EP300: variants seen among roughly 807,000 people sequenced by gnomAD.
EP300 encodes EP300 lysine acetyltransferase.
A neutral mutation model predicts 264.0 loss-of-function variants in EP300; 31 were observed. That is an observed-to-expected ratio of 0.12 (90% CI 0.09 to 0.16). The LOEUF is 0.16. EP300 is among the 10% of genes least tolerant of loss of function. The probability of loss-of-function intolerance (pLI) is 1.00; values close to 1 mark genes in which losing one functional copy is unlikely to be tolerated. For missense variants in EP300, 2,766 were observed against 3,052.9 expected, an observed-to-expected ratio of 0.91 and a Z score of 2.21; for synonymous variants, 1,340 against 1,045.4, an observed-to-expected ratio of 1.28 and a Z score of -5.44.
chr22:41,097,118 C>T (rs1226522598), intron 1 of EP300, among the ~76,000 whole-genome samples: 1 of 152,084 alleles, frequency 6.6e-6, no homozygotes, highest in African/African-American at 2.4e-5. Context: ...GCATTTCTCT[C>T]CTCAGTATTA....
intron 26 of EP300, among the ~76,000 whole-genome samples, chr22:41,169,911 T>C (rs1288368808): frequency 6.6e-6 from 1 of 152,250 alleles, no homozygotes; most frequent in African/African-American, 2.4e-5. Context: ...GAATTTTAAC[T>C]GCATTTGATC....
chr22:41,122,008 A>AC (rs1183764986), intron 2 of EP300, among the ~76,000 whole-genome samples: 2 of 152,142 alleles, frequency 1.3e-5, no homozygotes, highest in Non-Finnish European at 2.9e-5. Context: ...TTTAAAAAAA[A>AC]CATAGGTAGC....
At chr22:41,159,697 C>G (rs963220419) in intron 19 of EP300, 1 of 152,058 alleles carries the variant, frequency 6.6e-6, no homozygotes, top group African/African-American at 2.4e-5. Flanking sequence ...TTTGTTGAGA[C>G]AGGGTCTCAC....
At chr22:41,093,730 A>G (rs570092565) in intron 1 of EP300, among the ~76,000 whole-genome samples, 1 of 152,190 alleles carries the variant, frequency 6.6e-6, no homozygotes, top group South Asian at 2.1e-4. Context: ...CACATCTCCC[A>G]GTTCTTTGGT....
At chr22:41,169,391 T>C (rs1239061973) in intron 25 of EP300, 112 bp from the exon 26 acceptor site, 10 of 746,768 alleles carry the variant, frequency 1.3e-5, no homozygotes, top group South Asian at 2.9e-5. Flanking sequence ...CAAATAACGA[T>C]GTGAGCAAAG....
Position 41,178,897 on chromosome 22 carries a change from A to G in EP300, c.7186A>G (p.Ser2396Gly), listed in dbSNP as rs764376096. ...HGASATDLGL[S>G]TDNSDLNSNL... ...TGCAAGCGCCACGGACCTGGGACTC[A>G]GCACCGATAACTCAGACTTGAATTC... The change falls in exon 31 of 31, where the codon AGC becomes GGC. Residue 2396 changes from serine (S) to glycine (G), a missense_variant. By Grantham distance (56) the Ser-to-Gly change is moderately conservative (BLOSUM62 0). Transcript: ENST00000263253. 2.1e-5 allele frequency: 34 copies of G among 1,614,110 alleles called. No homozygotes were observed. The highest frequency in any genetic ancestry group is 1.8e-4 in the East Asian group (8 of 44,902).
At position 41,177,839 on chromosome 22, in the gene EP300, C is replaced by A. The variant is rs546354866; in HGVS notation, c.6128C>A (p.Pro2043Gln). Residue 2043 changes from proline to glutamine, a missense_variant, in exon 31 of 31, where the codon CCA (proline) becomes CAA (glutamine). Pro to Gln is a moderately conservative substitution (Grantham distance 76). Coordinates refer to ENST00000263253, the MANE Select transcript of EP300 (RefSeq NM_001429.4). ...LGQVGISPLKPGTVSQQALQN... is the reference protein window; with the variant it reads ...LGQVGISPLKQGTVSQQALQN... ...CAGGTAGGTATCAGCCCACTCAAAC[C>A]AGGCACTGTGTCTCAACAAGCCTTA... 36 of 1,614,144 alleles carry A rather than the reference C, an allele frequency of 2.2e-5. No individual in the cohort carries two copies. In the South Asian group the frequency reaches 3.5e-4, roughly 16 times the overall value.
At chr22:41,122,645 A>C (rs753055935) in intron 2 of EP300, among the ~76,000 whole-genome samples, 1 of 151,908 alleles carries the variant, frequency 6.6e-6, no homozygotes, top group Non-Finnish European at 1.5e-5. Context: ...TTTTGGTAAT[A>C]GTATAAAGAA....
chr22:41,174,696 C>T (rs1601637846), intron 29 of EP300: 1 of 151,850 alleles, frequency 6.6e-6, no homozygotes, highest in Non-Finnish European at 1.5e-5. Flanking sequence ...CAGTCAGACT[C>T]CTCATTTTAC....
intron 1 of EP300, among the ~76,000 whole-genome samples, chr22:41,113,638 C>G (rs6002262): frequency 0.52 from 79,256 of 151,918 alleles, 23,357 homozygotes; most frequent in Admixed American, 0.72. Context: ...ACTCTGTCTC[C>G]CGGGTTCATG....
At position 41,097,492 on chromosome 22, in the gene EP300, G is replaced by C. The variant is rs189122296; in HGVS notation, c.94+4394G>C. Among the ~76,000 whole-genome samples the C allele has an allele frequency of 6.6e-5, 10 of 152,274 alleles. 1 individual carries two copies. The highest frequency in any genetic ancestry group is 3.9e-4 in the Admixed American group (6 of 15,284). On this transcript the variant is annotated intron_variant, in intron 1 of 30. Coordinates refer to ENST00000263253, the MANE Select transcript of EP300 (RefSeq NM_001429.4). ...AAACAGTTGAAAATTAATGCAAAGT[G>C]GTATTTGTAGGGACATTAAGTGGTA...
chr22:41,112,246 G>A (rs2058796333), intron 1 of EP300, among the ~76,000 whole-genome samples: 1 of 151,234 alleles, frequency 6.6e-6, no homozygotes, highest in South Asian at 2.1e-4. Flanking sequence ...CTGGAGTGCA[G>A]TGGCACTGTC....
intron 1 of EP300, among the ~76,000 whole-genome samples, chr22:41,106,822 C>A (rs1292031107): frequency 6.6e-6 from 1 of 152,074 alleles, no homozygotes; most frequent in Non-Finnish European, 1.5e-5. Flanking sequence ...GTCTAAAACT[C>A]CTGGGCTCAA....
chr22:41,134,898 T>C lies in EP300; in HGVS notation c.1529-915T>C, dbSNP rs187241676. On this transcript the variant is annotated intron_variant, in intron 6 of 30. Coordinates refer to ENST00000263253, the MANE Select transcript of EP300 (RefSeq NM_001429.4). Reference sequence around the variant, plus strand: ...TTCTGTCTTGGAATGAGCATTGCTTTTTTCTTTCTTTCTTTCTTTTTCTTT... The same window carrying C: ...TTCTGTCTTGGAATGAGCATTGCTTCTTTCTTTCTTTCTTTCTTTTTCTTT... Among the ~76,000 whole-genome samples, 13 of 151,764 alleles carry C rather than the reference T, an allele frequency of 8.6e-5. No homozygotes were observed. In the East Asian group the frequency reaches 2.5e-3, roughly 30 times the overall value.
chr22:41,143,932 A>C (rs894484888), intron 10 of EP300, among the ~76,000 whole-genome samples: 4 of 152,196 alleles, frequency 2.6e-5, no homozygotes, highest in African/African-American at 9.7e-5. Context: ...AGAATCAGAG[A>C]GTGGCAATGG....
intron 8 of EP300, 96 bp downstream of exon 8, chr22:41,137,886 A>C: frequency 6.5e-7 from 1 of 1,543,338 alleles, no homozygotes; most frequent in South Asian, 1.1e-5. Flanking sequence ...GAATATTAGC[A>C]ATTTTTCTGT....
chr22:41,114,134 A>G (rs895847052), intron 1 of EP300, among the ~76,000 whole-genome samples: 4 of 152,148 alleles, frequency 2.6e-5, no homozygotes, highest in African/African-American at 9.6e-5. Context: ...GCATTTTTGA[A>G]TAGTGGTTTT....
chr22:41,131,273 CT>C, intron 5 of EP300, 114 bp from the exon 6 acceptor site: 1 of 1,172,718 alleles, frequency 8.5e-7, no homozygotes, highest in Non-Finnish European at 1.3e-6. Context: ...GATCCACATA[CT>C]CAGATGTTTC....
rs185157367 is a variant in EP300, at chr22:41,143,824, G to T, written c.2053+2602G>T. Reference sequence around the variant, plus strand: ...GAACTCCCGGCCTCAAGTGATCCGCGTACCTTGGTCTTGCAAAGTGCTGGG... The same window carrying T: ...GAACTCCCGGCCTCAAGTGATCCGCTTACCTTGGTCTTGCAAAGTGCTGGG... On this transcript the variant is annotated intron_variant, in intron 10 of 30. Transcript: ENST00000263253. 2.4e-3 allele frequency among the ~76,000 whole-genome samples: 359 copies of T among 152,204 alleles called. 1 individual carries two copies. The highest frequency in any genetic ancestry group is 6.8e-3 in the Middle Eastern group (2 of 294).
Sources: gnomAD v4.1 joint callset for allele counts (sites outside exome capture counted in the v4.1 genomes callset) on GRCh38, gnomAD v4.1.1 for gene constraint, MANE v1.5 for transcripts, NCBI Gene and HGNC (gene_info 2026-07-23, HGNC 2026-07-21) for gene names.